ADGRL3: variants seen among roughly 807,000 people sequenced by gnomAD.
The protein encoded by ADGRL3 is calcium-independent alpha-latrotoxin receptor 3.
Under a neutral mutation model 153.5 loss-of-function variants are expected in ADGRL3, and 62 were observed. The ratio of observed to expected loss-of-function variants is 0.40; its 90% CI spans 0.33 to 0.50. ADGRL3 has a LOEUF of 0.50. ADGRL3 is among the 20% of genes least tolerant of loss of function. ADGRL3 has a pLI of 0.47. For synonymous variants in ADGRL3, 710 were observed against 672.5 expected (o/e 1.06, Z -0.86); for missense variants, 1,641 against 1,859.4 (o/e 0.88, Z 2.16).
chr4:61,916,308 A>G (rs1012563279), intron 13 of ADGRL3, among the ~76,000 whole-genome samples: 5 of 152,198 alleles, frequency 3.3e-5, no homozygotes, highest in African/African-American at 4.8e-5. Flanking sequence ...GAATCACAAG[A>G]TATAAATTGA....
chr4:61,342,096 A>G (rs2095818867), intron 1 of ADGRL3, among the ~76,000 whole-genome samples: 2 of 152,262 alleles, frequency 1.3e-5, no homozygotes, highest in South Asian at 4.1e-4. Context: ...TTATAATCCT[A>G]CTATCTAGAA....
At chr4:61,996,396 G>A (rs1295104668) in intron 20 of ADGRL3, 39 bp downstream of exon 20, 1 of 1,437,052 alleles carries the variant, frequency 7.0e-7, no homozygotes, top group Non-Finnish European at 9.8e-7. Flanking sequence ...CCCAGATCAA[G>A]AAGTAAAACT....
chr4:61,287,699 T>C (rs1156380738), intron 1 of ADGRL3, among the ~76,000 whole-genome samples: 8 of 151,928 alleles, frequency 5.3e-5, no homozygotes. Flanking sequence ...TTATTGGGTC[T>C]GACTGGCTTG....
chr4:61,610,136 G>GAGAT (rs1414012936), intron 5 of ADGRL3, among the ~76,000 whole-genome samples: 1 of 120,358 alleles, frequency 8.3e-6, no homozygotes, highest in African/African-American at 3.6e-5. Flanking sequence ...TAAGGGAAGT[G>GAGAT]AGATATATAT....
intron 4 of ADGRL3, among the ~76,000 whole-genome samples, chr4:61,522,689 A>G (rs1271974194): frequency 7.9e-5 from 12 of 152,112 alleles, no homozygotes; most frequent in Non-Finnish European, 4.4e-5. Context: ...TAAATGATGA[A>G]CACAAAGGTA....
intron 1 of ADGRL3, among the ~76,000 whole-genome samples, chr4:61,373,552 C>T (rs372670358): frequency 9.9e-4 from 150 of 152,092 alleles, no homozygotes; most frequent in African/African-American, 2.9e-3. Flanking sequence ...TACTTCAAAA[C>T]GAATTGATTA....
At chr4:61,333,508 T>A (rs2095614388) in intron 1 of ADGRL3, among the ~76,000 whole-genome samples, 1 of 152,180 alleles carries the variant, frequency 6.6e-6, no homozygotes, top group African/African-American at 2.4e-5. Flanking sequence ...TGTTCAACAC[T>A]TATTTAAATT....
chr4:61,487,527 T>G (rs938020906), intron 2 of ADGRL3, among the ~76,000 whole-genome samples: 1 of 152,120 alleles, frequency 6.6e-6, no homozygotes, highest in African/African-American at 2.4e-5. Context: ...ACATTCCTGT[T>G]TGAACTGAAT....
In ADGRL3 at chr4:61,857,006, T is replaced by TTCTTTCTTTCTTTCTTTCTTTCTC. The variant is rs796589157; in HGVS notation, c.1481-35640_1481-35639insTTTCTTTCTTTCTCTCTTTCTTTC. ...TTTCTTTCTTTCTTTCTTTCTTTCT[T>TTCTTTCTTTCTTTCTTTCTTTCTC]TCTTTCTTTCCTTCCTCCCTTCCTT... On this transcript the variant is annotated intron_variant, in intron 9 of 26. Transcript: ENST00000683033. Among the ~76,000 whole-genome samples the TTCTTTCTTTCTTTCTTTCTTTCTC allele has an allele frequency of 4.3e-4, 48 of 112,724 alleles. 5 individuals carry two copies. The highest frequency in any genetic ancestry group is 7.3e-4 in the Non-Finnish European group (39 of 53,210). The allele number at this position is 112,724 out of a possible 152,430, so 74.0% of individuals were successfully genotyped here. A position where few individuals can be genotyped will look rare whatever the true frequency, so the allele number is the denominator to read the frequency against.
At chr4:61,528,605 A>G (rs925301783) in intron 4 of ADGRL3, among the ~76,000 whole-genome samples, 5 of 152,138 alleles carry the variant, frequency 3.3e-5, no homozygotes, top group Non-Finnish European at 7.4e-5. Flanking sequence ...AAGCTAGGAA[A>G]TTGAAAGGCT....
intron 17 of ADGRL3, 37 bp from the exon 18 acceptor site, chr4:61,979,526 A>G (rs1166766590): frequency 1.3e-6 from 2 of 1,587,072 alleles, no homozygotes; most frequent in Admixed American, 1.7e-5. Flanking sequence ...TTGGTTATGC[A>G]TAAGCGCAAC....
intron 2 of ADGRL3, among the ~76,000 whole-genome samples, chr4:61,394,337 T>A (rs1208674934): frequency 2.0e-5 from 3 of 151,986 alleles, no homozygotes; most frequent in Non-Finnish European, 4.4e-5. Context: ...AGACATACAT[T>A]AAAGATGGGA....
At chr4:61,676,628 A>G (rs1469343193) in intron 5 of ADGRL3, among the ~76,000 whole-genome samples, 198 bp from the exon 6 acceptor site, 1 of 152,030 alleles carries the variant, frequency 6.6e-6, no homozygotes, top group African/African-American at 2.4e-5. Context: ...TAATATGAGC[A>G]AGCTGAATAG....
intron 17 of ADGRL3, among the ~76,000 whole-genome samples, chr4:61,969,351 A>G (rs1022748533): frequency 6.6e-6 from 1 of 152,164 alleles, no homozygotes. Context: ...TGCCTGTCTC[A>G]TCCTAAACTT....
At chr4:61,367,580 T>C (rs1421392905) in intron 1 of ADGRL3, among the ~76,000 whole-genome samples, 2 of 150,820 alleles carry the variant, frequency 1.3e-5, no homozygotes, top group Admixed American at 1.3e-4. Context: ...TCATTTTTTA[T>C]GGCTGCATAG....
chr4:61,615,122 T>TA (rs1244096971), intron 5 of ADGRL3, among the ~76,000 whole-genome samples: 3 of 152,234 alleles, frequency 2.0e-5, no homozygotes, highest in African/African-American at 7.2e-5. Flanking sequence ...GCATAATGAT[T>TA]AAAAATGAGT....
At chr4:62,010,473 A>G (rs1248674728) in intron 21 of ADGRL3, among the ~76,000 whole-genome samples, 4 of 152,288 alleles carry the variant, frequency 2.6e-5, no homozygotes, top group Admixed American at 1.3e-4. Context: ...AGTATGATGA[A>G]TACATAGTAC....
At chr4:61,657,350 C>T (rs1322626665) in intron 5 of ADGRL3, among the ~76,000 whole-genome samples, 3 of 151,798 alleles carry the variant, frequency 2.0e-5, no homozygotes, top group Admixed American at 6.6e-5. Flanking sequence ...CCCAAGAGCC[C>T]CAATTGCAGA....
chr4:61,249,447 T>G (rs1758356650), intron 1 of ADGRL3, among the ~76,000 whole-genome samples: 2 of 152,140 alleles, frequency 1.3e-5, no homozygotes, highest in Non-Finnish European at 2.9e-5. Flanking sequence ...CTCCTCCTCC[T>G]CCTGCATTTT....
Sources: gnomAD v4.1 joint callset for allele counts (sites outside exome capture counted in the v4.1 genomes callset) on GRCh38, gnomAD v4.1.1 for gene constraint, MANE v1.5 for transcripts, NCBI Gene and HGNC (gene_info 2026-07-23, HGNC 2026-07-21) for gene names.